Variants in CLK2 observed in about 807,000 individuals in gnomAD.
CLK2 encodes dual specificity protein kinase CLK2.
A neutral mutation model predicts 73.5 loss-of-function variants in CLK2; 12 were observed. The ratio of observed to expected loss-of-function variants is 0.16; its 90% CI spans 0.10 to 0.26. The LOEUF is 0.26. Among genes scored for constraint, CLK2 ranks in the 10% least tolerant of loss-of-function variants. The pLI is 1.00. For synonymous variants in CLK2, 232 were observed against 237.9 expected (o/e 0.98, Z 0.23); for missense variants, 509 against 688.4 (o/e 0.74, Z 2.92).
At chr1:155,266,384 A>G (rs1673233698) in intron 7 of CLK2, among the ~76,000 whole-genome samples, 1 of 152,192 alleles carries the variant, frequency 6.6e-6, no homozygotes. Context: ...AGACAAATGT[A>G]AGCCTTTACC....
chr1:155,264,249 T>C lies in CLK2; in HGVS notation c.1198A>G (p.Ile400Val), dbSNP rs758379259. The change falls in exon 11 of 13, where the codon ATC becomes GTC. Residue 400 changes from isoleucine (I) to valine (V), a missense_variant. Coordinates refer to ENST00000368361, the MANE Select transcript of CLK2 (RefSeq NM_001294338.2). ...GTCTTTCGGATCATCCGGGAAGGGA[T>C]AGGACCCAAGATCCTTTCCATCATG... ...LAMMERILGP[I>V]PSRMIRKTRK... is the part of the protein sequence containing the mutation. The C allele has an allele frequency of 7.4e-6, 12 of 1,614,076 alleles. No individual in the cohort carries two copies. Among genetic ancestry groups the C allele is most frequent in the African/African-American group, 1.3e-5 (1 of 74,930 alleles).
At position 155,263,405 on chromosome 1, in the gene CLK2, T is replaced by TG; in HGVS notation, c.1318-6dup. On this transcript the variant is annotated splice_region_variant and splice_polypyrimidine_tract_variant and intron_variant, in intron 12 of 12. Coordinates refer to ENST00000368361, the MANE Select transcript of CLK2 (RefSeq NM_001294338.2). ...TGCCTCTGAGGTCAGATACCGCTGG[T>TG]GGAGGAGGGCAGGAAAAAGGTGAGG... 6.2e-7 allele frequency: 1 copy of TG among 1,613,922 alleles called. No homozygotes were observed. Among genetic ancestry groups the TG allele is most frequent in the Non-Finnish European group, 8.5e-7 (1 of 1,180,000 alleles).
rs775358392 is a variant in CLK2 at position 155,263,213 on chromosome 1, G to A, written c.*5C>T. ...AAAGATGCAGGGGGGCCCAGGGCCT[G>A]ATCGTCACCGACTGATATCCCGACT... On this transcript the variant is annotated 3_prime_UTR_variant, in exon 13 of 13. Transcript: ENST00000368361. 6.2e-7 allele frequency: 1 copy of A among 1,611,220 alleles called. No individual in the cohort carries two copies. Among genetic ancestry groups the A allele is most frequent in the Non-Finnish European group, 8.5e-7 (1 of 1,178,792 alleles).
At chr1:155,264,905 T>A in intron 8 of CLK2, 131 bp from the exon 9 acceptor site, 1 of 1,125,726 alleles carries the variant, frequency 8.9e-7, no homozygotes, top group Non-Finnish European at 1.3e-6. Context: ...CCTGGGAAAT[T>A]CCTGTTTTAC....
rs1310022416 is a variant in CLK2 at position 155,268,052 on chromosome 1, T to C, written c.629A>G (p.Asn210Ser). 7 of 1,614,146 alleles carry C rather than the reference T, an allele frequency of 4.3e-6. No homozygotes were observed. The highest frequency in any genetic ancestry group is 1.7e-5 in the Admixed American group (1 of 60,018). ...TTTCTCATTGATTTTCTCTAGCACG[T>C]TGATCTCAAGTCGAGCTGCTTCCTT... Reference protein sequence around the residue: ...KYKEAARLEINVLEKINEKDP... With the variant: ...KYKEAARLEISVLEKINEKDP... The change falls in exon 6 of 13, where the codon AAC (asparagine) becomes AGC (serine). Residue 210 changes from asparagine (N) to serine (S), a missense_variant. Asn to Ser is a conservative substitution (Grantham distance 46). This residue lies in a region of CLK2 where 76 missense variants were observed against 126.4 expected (regional missense o/e 0.60). Coordinates refer to ENST00000368361, the MANE Select transcript of CLK2 (RefSeq NM_001294338.2). This position sits in a 1 kb window ranked among gnomAD's most constrained non-coding sequence, Gnocchi z 5.6.
rs763908854 is a variant in CLK2 at position 155,268,013 on chromosome 1, TTGTTG to T, written c.663_667del (p.Asp221GlufsTer9). 6.2e-7 allele frequency: 1 copy of T among 1,611,266 alleles called. No homozygotes were observed. The highest frequency in any genetic ancestry group is 8.5e-7 in the Non-Finnish European group (1 of 1,177,486). Reference sequence around the variant, plus strand: ...ACATACTTCCTTGCTTGCTTACTTCTTGTTGTCAGGGTCTTTCTCATTGATTTTCT... The same window carrying T: ...ACATACTTCCTTGCTTGCTTACTTCTTCAGGGTCTTTCTCATTGATTTTCT... On this transcript the variant is annotated frameshift_variant, in exon 6 of 13. Transcript: ENST00000368361. LOFTEE classifies it high-confidence loss of function. This position sits in a 1 kb window ranked among gnomAD's most constrained non-coding sequence, Gnocchi z 5.6.
At position 155,270,841 on chromosome 1, in the gene CLK2, C is replaced by T. The variant is rs745763311; in HGVS notation, c.137G>A (p.Arg46Gln). ...SSSSDRTRRR[R>Q]REDSYHVRSR... The stretch of plus-strand genomic sequence containing the variant: ...ACGGACATGGTAGCTGTCCTCTCGC[C>T]GACGCCGTCGTGTCCGGTCACTACT... Residue 46 changes from arginine to glutamine, a missense_variant, in exon 2 of 13, where the codon CGG (arginine) becomes CAG (glutamine). By Grantham distance (43) the Arg-to-Gln change is conservative. Transcript: ENST00000368361. 1.4e-5 allele frequency: 23 copies of T among 1,612,456 alleles called. No homozygotes were observed. The highest frequency in any genetic ancestry group is 2.2e-5 in the South Asian group (2 of 91,058).
chr1:155,271,631 G>A (rs1438801490), intron 1 of CLK2, among the ~76,000 whole-genome samples: 1 of 152,212 alleles, frequency 6.6e-6, no homozygotes, highest in Non-Finnish European at 1.5e-5. Flanking sequence ...GATGGAGACT[G>A]CCACAGTGTA....
In CLK2 at chr1:155,268,496, G is replaced by A. The variant is rs1018332752; in HGVS notation, c.488-137C>T. ...ACAGATACAGATGGTCACAGGGGAA[G>A]AAAACCCCTGCGTGATTCCCACCAC... On this transcript the variant is annotated intron_variant, in intron 4 of 12. Transcript: ENST00000368361. This position sits in a 1 kb window ranked among gnomAD's most constrained non-coding sequence, Gnocchi z 5.6. The A allele has an allele frequency of 1.1e-5, 9 of 795,822 alleles. No homozygotes were observed. Among genetic ancestry groups the A allele is most frequent in the Non-Finnish European group, 1.9e-5 (9 of 468,902 alleles). 49.3% of individuals were successfully genotyped at this position (795,822 alleles called of 1,614,324 possible).
rs778816791 is a variant in CLK2, at chr1:155,263,965, G to A, written c.1302C>T (p.Asn434=). The change falls in exon 12 of 13, where the codon AAC becomes AAT. Residue 434 remains asparagine (N), a synonymous_variant. Transcript: ENST00000368361. The stretch of plus-strand genomic sequence containing the variant: ...CCCAGCTCACCCGCAGCGGTTTGCA[G>A]TTCTCACGAACATAGCGCCCAGCTG... The part of the protein sequence containing the change: ...NTSAGRYVRE[N]CKPLRRYLTS... 12 of 1,614,030 alleles carry A rather than the reference G, an allele frequency of 7.4e-6. 2 individuals are homozygous for A. In the South Asian group the frequency reaches 9.9e-5, roughly 13 times the overall value.
intron 8 of CLK2, 37 bp downstream of exon 8, chr1:155,265,823 G>T (rs373891454): frequency 2.1e-4 from 284 of 1,355,146 alleles, no homozygotes; most frequent in Non-Finnish European, 2.8e-4. Context: ...GCAGCTGCCT[G>T]CCCCCAGTAA....
At chr1:155,264,589 AG>A (rs1557931227) in intron 9 of CLK2, 39 bp from the exon 10 acceptor site, 1 of 1,614,232 alleles carries the variant, frequency 6.2e-7, no homozygotes, top group Non-Finnish European at 8.5e-7. Flanking sequence ...TATGAGGCTT[AG>A]GTGGCCCCAC....
rs1282642149 is a variant in CLK2 at position 155,268,625 on chromosome 1, G to A, written c.487+83C>T. The A allele has an allele frequency of 1.6e-6, 2 of 1,275,006 alleles. No homozygotes were observed. The highest frequency in any genetic ancestry group is 1.5e-5 in the African/African-American group (1 of 68,192). The allele number at this position is 1,275,006 out of a possible 1,614,324, so 79.0% of individuals were successfully genotyped here. On this transcript the variant is annotated intron_variant, in intron 4 of 12. Transcript: ENST00000368361. The surrounding 1 kb of genome is among the most constrained non-coding windows in gnomAD (Gnocchi z 5.6). ...ACAACACCACTGAGAAAAGGCAAGA[G>A]GCTGTGACTCAGGTTGGCTTGGGAC...
chr1:155,269,581 C>T lies in CLK2; in HGVS notation c.306G>A (p.Gln102=), dbSNP rs761073274. ...DTDYRHSYEY[Q]RENSSYRSQR... ...GGCTGCGGTAACTGCTGTTCTCCCG[C>T]TGATATTCATAGGAATGCCGATAGT... is the stretch of plus-strand genomic sequence containing the variant. Residue 102 remains glutamine (Q), a synonymous_variant, in exon 3 of 13, where the codon CAG becomes CAA. Transcript: ENST00000368361. 1.9e-6 allele frequency: 3 copies of T among 1,614,214 alleles called. No individual in the cohort carries two copies. In the East Asian group the frequency reaches 6.7e-5, roughly 36 times the overall value.
Position 155,271,046 on chromosome 1 carries a change from G to T in CLK2, c.1-69C>A, listed in dbSNP as rs1673479914. The T allele has an allele frequency of 1.2e-5, 18 of 1,498,164 alleles. 1 individual carries two copies. In the South Asian group the frequency reaches 2.1e-4, roughly 17 times the overall value. The allele number at this position is 1,498,164 out of a possible 1,614,324, so 92.8% of individuals were successfully genotyped here. A position where few individuals can be genotyped will look rare whatever the true frequency, so the allele number is the denominator to read the frequency against. Reference sequence around the variant, plus strand: ...CAGAAATCTCCTCCAAGGACTGGCTGCTCCAAAGATGCTAAGCTGCTTTCC... The same window carrying T: ...CAGAAATCTCCTCCAAGGACTGGCTTCTCCAAAGATGCTAAGCTGCTTTCC... On this transcript the variant is annotated intron_variant, in intron 1 of 12. Coordinates refer to ENST00000368361, the MANE Select transcript of CLK2 (RefSeq NM_001294338.2).
At chr1:155,269,418 T>C in intron 3 of CLK2, 70 bp downstream of exon 3, 1 of 1,349,394 alleles carries the variant, frequency 7.4e-7, no homozygotes, top group Non-Finnish European at 1.1e-6. Flanking sequence ...ACAAGGATAC[T>C]GCTCACTTAC....
At chr1:155,264,128 G>A (rs1673118114) in intron 11 of CLK2, 88 bp from the exon 12 acceptor site, 2 of 1,552,478 alleles carry the variant, frequency 1.3e-6, no homozygotes, top group Non-Finnish European at 1.8e-6. Context: ...TGGGGGGAGA[G>A]GAGGTATCAA....
In CLK2 at chr1:155,269,557, G is replaced by C; in HGVS notation, c.330C>G (p.Ser110Arg). The part of the protein sequence containing the change: ...EYQRENSSYR[S>R]QRSSRRKHRR... ...TGTGCTTCCTCCGGCTGCTGCGCTG[G>C]CTGCGGTAACTGCTGTTCTCCCGCT... The change falls in exon 3 of 13, where the codon AGC becomes AGG. Residue 110 changes from serine (S) to arginine (R), a missense_variant. Physicochemically the swap from Ser to Arg is moderately radical, Grantham distance 110. Coordinates refer to ENST00000368361, the MANE Select transcript of CLK2 (RefSeq NM_001294338.2). 1 of 1,614,146 alleles carries C rather than the reference G, an allele frequency of 6.2e-7. No individual in the cohort carries two copies. The highest frequency in any genetic ancestry group is 1.7e-5 in the Admixed American group (1 of 60,036).
intron 6 of CLK2, 90 bp downstream of exon 6, chr1:155,267,920 C>T: frequency 1.2e-6 from 1 of 842,160 alleles, no homozygotes; most frequent in Non-Finnish European, 2.0e-6. Flanking sequence ...AGGTCTAGGA[C>T]TCCCCTGTCT....
Sources: gnomAD v4.1 joint callset for allele counts (sites outside exome capture counted in the v4.1 genomes callset) on GRCh38, gnomAD v4.1.1 for gene constraint, gnomAD v4.1.1 regional missense constraint, Gnocchi (gnomAD v3.1) non-coding constraint, MANE v1.5 for transcripts, NCBI Gene and HGNC (gene_info 2026-07-23, HGNC 2026-07-21) for gene names.